The following ASB1 variants were observed in gnomAD, a reference collection of about 807,000 sequenced individuals.
The protein encoded by ASB1 is ankyrin repeat and SOCS box containing 1.
Under a neutral mutation model 27.7 loss-of-function variants are expected in ASB1, and 18 were observed. That is an observed-to-expected ratio of 0.65 (90% CI 0.45 to 0.96). ASB1 has a LOEUF of 0.96. Ranked by LOEUF, ASB1 falls within the 50% of genes least tolerant of loss-of-function variation. The pLI, the probability that ASB1 is intolerant of heterozygous loss-of-function variation, is 0.00. For synonymous variants in ASB1, 189 were observed against 187.6 expected, an observed-to-expected ratio of 1.01 and a Z score of -0.06; for missense variants, 397 against 451.7, an observed-to-expected ratio of 0.88 and a Z score of 1.10.
At chr2:238,429,968 C>A (rs926587648) in intron 1 of ASB1, among the ~76,000 whole-genome samples, 10 of 150,560 alleles carry the variant, frequency 6.6e-5, no homozygotes, top group Non-Finnish European at 1.2e-4. Flanking sequence ...TACAATAATA[C>A]CATTATGTCT....
chr2:238,440,547 TACATGGCTCCTG>T (rs1418234759), intron 3 of ASB1, among the ~76,000 whole-genome samples: 6 of 152,332 alleles, frequency 3.9e-5, no homozygotes, highest in African/African-American at 1.4e-4. Flanking sequence ...CCTCTTCCCA[TACATGGCTCCTG>T]ACCTGTTTGG....
At chr2:238,439,336 G>C (rs57095120) in intron 3 of ASB1, among the ~76,000 whole-genome samples, 2 of 152,138 alleles carry the variant, frequency 1.3e-5, no homozygotes, top group Non-Finnish European at 2.9e-5. Context: ...TCATGTGAGC[G>C]TGTTGGTCCG....
chr2:238,443,743 T>TG (rs1702122941), intron 3 of ASB1, among the ~76,000 whole-genome samples: 1 of 150,424 alleles, frequency 6.6e-6, no homozygotes, highest in South Asian at 2.1e-4. Context: ...ATGCCCACCT[T>TG]TTTTTTTTTT....
At chr2:238,440,999 G>A (rs60841092) in intron 3 of ASB1, among the ~76,000 whole-genome samples, 12,221 of 152,286 alleles carry the variant, frequency 0.08, 676 homozygotes, top group Non-Finnish European at 0.12. Context: ...CCAGGTGAAC[G>A]TGACGCTGGG....
chr2:238,436,048 C>T (rs1223744265), intron 3 of ASB1, 35 bp downstream of exon 3: 2 of 1,520,114 alleles, frequency 1.3e-6, no homozygotes, highest in Non-Finnish European at 1.8e-6. Context: ...CTCCTGCAGC[C>T]ACTTTATTTT....
Position 238,444,398 on chromosome 2 carries a change from T to C in ASB1, c.551T>C (p.Phe184Ser), listed in dbSNP as rs1702136310. 1 of 1,613,314 alleles carries C rather than the reference T, an allele frequency of 6.2e-7. No individual in the cohort carries two copies. The highest frequency in any genetic ancestry group is 1.3e-5 in the African/African-American group (1 of 74,908). ...CTGACTCCTGATGTCCAGCCTCGAT[T>C]CTCCCGGCGGCTCACCTCCTTGGTG... Reference protein sequence around the residue: ...HHLTPDVQPRFSRRLTSLVVC... With the variant: ...HHLTPDVQPRSSRRLTSLVVC... The change falls in exon 4 of 5, where the codon TTC becomes TCC. Residue 184 changes from phenylalanine (F) to serine (S), a missense_variant. Physicochemically the swap from Phe to Ser is radical, Grantham distance 155. Coordinates refer to ENST00000264607, the MANE Select transcript of ASB1 (RefSeq NM_001040445.3).
chr2:238,428,329 T>G (rs1701801638), intron 1 of ASB1, among the ~76,000 whole-genome samples: 1 of 152,226 alleles, frequency 6.6e-6, no homozygotes. Flanking sequence ...TCGCTCTTGT[T>G]GCCCAGGGTG....
At position 238,435,711 on chromosome 2, in the gene ASB1, C is replaced by T; in HGVS notation, c.192C>T (p.Ser64=). The T allele has an allele frequency of 6.2e-7, 1 of 1,610,138 alleles. No individual in the cohort carries two copies. Among genetic ancestry groups the T allele is most frequent in the East Asian group, 2.2e-5 (1 of 44,836 alleles). Residue 64 remains serine (S), a splice_region_variant and synonymous_variant, in exon 3 of 5, where the codon AGC becomes AGT. Coordinates refer to ENST00000264607, the MANE Select transcript of ASB1 (RefSeq NM_001040445.3). ...RSLLQEESYR[S]RINEKSVWCC... ...GAGCCCCCTTGTGTTCCTCCTGCAG[C>T]CGCATCAACGAGAAGTCTGTCTGGT...
chr2:238,427,370 C>G (rs1701778422), intron 1 of ASB1: 1 of 370,380 alleles, frequency 2.7e-6, no homozygotes. Flanking sequence ...TCCGGTGGAA[C>G]TTGCTCGTAA....
intron 4 of ASB1, among the ~76,000 whole-genome samples, chr2:238,445,588 C>T (rs930879270): frequency 6.6e-6 from 1 of 152,182 alleles, no homozygotes; most frequent in Non-Finnish European, 1.5e-5. Context: ...TTATCCGAGG[C>T]TCTCTGGGAT....
chr2:238,446,418 G>A lies in ASB1; in HGVS notation c.915G>A (p.Val305=). The change falls in exon 5 of 5, where the codon GTG becomes GTA. Residue 305 remains valine, a synonymous_variant. Transcript: ENST00000264607. The part of the protein sequence containing the change: ...VPRTLLCLCR[V]AVRRALGKHR... ...GAACCTTGCTGTGTCTGTGCCGTGT[G>A]GCTGTGAGAAGAGCTCTTGGCAAAC... 6.2e-7 allele frequency: 1 copy of A among 1,613,368 alleles called. No homozygotes were observed. Among genetic ancestry groups the A allele is most frequent in the Non-Finnish European group, 8.5e-7 (1 of 1,179,574 alleles).
At chr2:238,434,005 T>A (rs1226507055) in intron 2 of ASB1, among the ~76,000 whole-genome samples, 1 of 152,168 alleles carries the variant, frequency 6.6e-6, no homozygotes, top group Non-Finnish European at 1.5e-5. Flanking sequence ...GTTTCCCTCT[T>A]CAGTGGCGGC....
intron 3 of ASB1, among the ~76,000 whole-genome samples, chr2:238,437,807 T>C (rs1702001734): frequency 6.6e-6 from 1 of 152,168 alleles, no homozygotes; most frequent in Non-Finnish European, 1.5e-5. Context: ...GGGATTCCCT[T>C]TACCCAGCAC....
In ASB1 at chr2:238,444,979, C is replaced by CTTTTCTCT. The variant is rs1702150858; in HGVS notation, c.880+256_880+257insCTCTTTTT. ...ACTCCTAGAATTATGCTCGCGCTCT[C>CTTTTCTCT]TTTTTTTTTTTTTTTTTTTTGAGGC... On this transcript the variant is annotated intron_variant, in intron 4 of 4. Coordinates refer to ENST00000264607, the MANE Select transcript of ASB1 (RefSeq NM_001040445.3). Among the ~76,000 whole-genome samples, 10 of 117,870 alleles carry CTTTTCTCT rather than the reference C, an allele frequency of 8.5e-5. No individual in the cohort carries two copies. In the South Asian group the frequency reaches 2.8e-3, roughly 33 times the overall value. The allele number at this position is 117,870 out of a possible 152,430, so 77.3% of individuals were successfully genotyped here. A position where few individuals can be genotyped will look rare whatever the true frequency, so the allele number is the denominator to read the frequency against.
intron 4 of ASB1, among the ~76,000 whole-genome samples, chr2:238,445,639 A>T (rs533365524): frequency 7.9e-5 from 12 of 152,270 alleles, no homozygotes; most frequent in Non-Finnish European, 1.5e-4. Flanking sequence ...CCTCCTGCCC[A>T]CATGTCACCC....
At chr2:238,444,761 C>G in intron 4 of ASB1, 34 bp downstream of exon 4, 1 of 1,546,568 alleles carries the variant, frequency 6.5e-7, no homozygotes, top group Non-Finnish European at 8.7e-7. Flanking sequence ...GACTTGTGGG[C>G]TGGGTTGATT....
rs118071475 is a variant in ASB1, at chr2:238,431,647, A to C, written c.50-1907A>C. On this transcript the variant is annotated intron_variant, in intron 1 of 4. Coordinates refer to ENST00000264607, the MANE Select transcript of ASB1 (RefSeq NM_001040445.3). ...TCCAGCTTTTAATTTAAAGTGAGAG[A>C]TGTGTGACTGTTTCTTTAACTTGAA... 6.6e-5 allele frequency among the ~76,000 whole-genome samples: 10 copies of C among 152,316 alleles called. No individual in the cohort carries two copies. The South Asian group carries it at 2.1e-3, about 32-fold the overall frequency.
intron 4 of ASB1, among the ~76,000 whole-genome samples, chr2:238,444,976 T>C (rs1411654328): frequency 1.7e-5 from 2 of 120,250 alleles, no homozygotes; most frequent in African/African-American, 2.9e-5. Flanking sequence ...ATGCTCGCGC[T>C]CTCTTTTTTT....
rs1001325486 is a variant in ASB1, at chr2:238,444,403, C to T, written c.556C>T (p.Arg186Trp). 1.9e-6 allele frequency: 3 copies of T among 1,613,474 alleles called. No homozygotes were observed. The highest frequency in any genetic ancestry group is 1.7e-6 in the Non-Finnish European group (2 of 1,179,628). Residue 186 changes from arginine to tryptophan, a missense_variant, in exon 4 of 5, where the codon CGG becomes TGG. Transcript: ENST00000264607. ...TCCTGATGTCCAGCCTCGATTCTCC[C>T]GGCGGCTCACCTCCTTGGTGGTCTG... ...LTPDVQPRFS[R>W]RLTSLVVCPL...
Sources: allele counts gnomAD v4.1 joint callset (sites outside exome capture counted in the v4.1 genomes callset), GRCh38; gene constraint gnomAD v4.1.1; transcripts MANE v1.5; gene names NCBI Gene and HGNC (gene_info 2026-07-23, HGNC 2026-07-21).